Variants in TBC1D5 observed in about 807,000 individuals in gnomAD.
The protein encoded by TBC1D5 is TBC1 domain family, member 5.
A neutral mutation model predicts 100.3 loss-of-function variants in TBC1D5; 75 were observed. The observed-to-expected ratio is 0.75, with a 90% CI of 0.62 to 0.91. The LOEUF (loss-of-function observed/expected upper bound fraction) is 0.91, where lower values mean the gene tolerates loss of function less well. Ranked by LOEUF, TBC1D5 falls within the 40% of genes least tolerant of loss-of-function variation. The pLI is 0.00. For synonymous variants in TBC1D5, 323 were observed against 325.6 expected (o/e 0.99, Z 0.09); for missense variants, 910 against 942.4 (o/e 0.97, Z 0.45).
chr3:17,472,880 C>A (rs561464540), intron 3 of TBC1D5, among the ~76,000 whole-genome samples: 1 of 152,198 alleles, frequency 6.6e-6, no homozygotes, highest in East Asian at 1.9e-4. Flanking sequence ...CTATTACATT[C>A]TAAATATTAA....
In TBC1D5 at chr3:17,419,873, T is replaced by C. The variant is rs573927670; in HGVS notation, c.167+8577A>G. Among the ~76,000 whole-genome samples, 294 of 152,156 alleles carry C rather than the reference T, an allele frequency of 1.9e-3. 1 individual carries two copies. Among genetic ancestry groups the C allele is most frequent in the Non-Finnish European group, 1.1e-3 (72 of 67,984 alleles). ...TTAAAAATATTTATTTATTTATTTG[T>C]CTGTTTGTAGAGATGAGGTCTTGCT... On this transcript the variant is annotated intron_variant, in intron 4 of 21. Transcript: ENST00000253692.
chr3:17,659,030 T>C (rs1179381592), intron 1 of TBC1D5, among the ~76,000 whole-genome samples: 2 of 152,138 alleles, frequency 1.3e-5, no homozygotes, highest in Non-Finnish European at 2.9e-5. Context: ...AGAGCAAGAT[T>C]CAGATTCCCC....
At chr3:17,635,359 A>T (rs1343803216) in intron 1 of TBC1D5, among the ~76,000 whole-genome samples, 2 of 152,222 alleles carry the variant, frequency 1.3e-5, no homozygotes, top group Admixed American at 6.5e-5. Flanking sequence ...TGATGAAATC[A>T]CCAAGGCAAT....
At chr3:17,276,370 CAA>C (rs1389261263) in intron 15 of TBC1D5, among the ~76,000 whole-genome samples, 1 of 152,184 alleles carries the variant, frequency 6.6e-6, no homozygotes, top group East Asian at 1.9e-4. Flanking sequence ...TTGGGAAACA[CAA>C]ACACCTAGAC....
At chr3:17,681,546 G>GA (rs1178483112) in intron 1 of TBC1D5, among the ~76,000 whole-genome samples, 3 of 151,482 alleles carry the variant, frequency 2.0e-5, no homozygotes, top group African/African-American at 7.3e-5. Flanking sequence ...TTTCACCAAG[G>GA]AAAAATAGTT....
chr3:17,464,959 C>T (rs2095278046), intron 3 of TBC1D5, among the ~76,000 whole-genome samples: 1 of 151,886 alleles, frequency 6.6e-6, no homozygotes, highest in Non-Finnish European at 1.5e-5. Flanking sequence ...GATGTTGCCG[C>T]ACTAGATAAA....
chr3:17,701,294 A>C (rs7647914), intron 1 of TBC1D5, among the ~76,000 whole-genome samples: 1 of 151,700 alleles, frequency 6.6e-6, no homozygotes, highest in African/African-American at 2.4e-5. Context: ...CTTGGACATA[A>C]GGCGGGGAAC....
chr3:17,682,103 G>C (rs1190021137), intron 1 of TBC1D5, among the ~76,000 whole-genome samples: 2 of 151,232 alleles, frequency 1.3e-5, no homozygotes, highest in African/African-American at 4.9e-5. Flanking sequence ...GTGCCAAAAA[G>C]GTTGGGAACT....
At chr3:17,589,452 G>A (rs532838826) in intron 2 of TBC1D5, among the ~76,000 whole-genome samples, 10 of 152,256 alleles carry the variant, frequency 6.6e-5, no homozygotes, top group South Asian at 4.1e-4. Flanking sequence ...GGTCTTTCCC[G>A]TGCTGTTCTT....
chr3:17,417,259 T>C (rs1023268708), intron 4 of TBC1D5, among the ~76,000 whole-genome samples: 1 of 152,096 alleles, frequency 6.6e-6, no homozygotes, highest in South Asian at 2.1e-4. Flanking sequence ...GTTACATATA[T>C]ATACATGTGC....
intron 1 of TBC1D5, among the ~76,000 whole-genome samples, chr3:17,655,459 T>TAATTAAATTAAATTAAATTA (rs1553901618): frequency 6.7e-6 from 1 of 148,680 alleles, no homozygotes. Context: ...AGTATAATAA[T>TAATTAAATTAAATTAAATTA]AATTAAATTA....
chr3:17,176,657 A>G (rs1235648401), intron 19 of TBC1D5, among the ~76,000 whole-genome samples: 1 of 152,022 alleles, frequency 6.6e-6, no homozygotes, highest in Non-Finnish European at 1.5e-5. Flanking sequence ...TTGGAGGGTG[A>G]GGGGCTAGGG....
At chr3:17,337,685 T>G (rs1414270459) in intron 13 of TBC1D5, 2 of 152,170 alleles carry the variant, frequency 1.3e-5, no homozygotes, top group Non-Finnish European at 2.9e-5. Flanking sequence ...GAACACAATT[T>G]TATTTTCTTT....
At chr3:17,496,006 G>A (rs2150676538) in intron 3 of TBC1D5, among the ~76,000 whole-genome samples, 1 of 152,254 alleles carries the variant, frequency 6.6e-6, no homozygotes, top group South Asian at 2.1e-4. Flanking sequence ...TAAGTACCAA[G>A]AATGTTTTAG....
At chr3:17,574,989 C>CT (rs1364845001) in intron 2 of TBC1D5, among the ~76,000 whole-genome samples, 1 of 152,024 alleles carries the variant, frequency 6.6e-6, no homozygotes, top group Non-Finnish European at 1.5e-5. Flanking sequence ...ACAAAACACC[C>CT]TAGGTTGTTC....
chr3:17,283,756 T>C (rs2149972406), intron 15 of TBC1D5, among the ~76,000 whole-genome samples: 1 of 152,084 alleles, frequency 6.6e-6, no homozygotes, highest in East Asian at 1.9e-4. Flanking sequence ...AAAATGAGTT[T>C]ACTTTTTATC....
chr3:17,480,703 T>C (rs920853436), intron 3 of TBC1D5, among the ~76,000 whole-genome samples: 1 of 151,982 alleles, frequency 6.6e-6, no homozygotes, highest in East Asian at 1.9e-4. Context: ...TCATTGGGAC[T>C]ACCTGCCTTC....
intron 2 of TBC1D5, among the ~76,000 whole-genome samples, chr3:17,566,107 T>C (rs1373303247): frequency 1.3e-5 from 2 of 152,128 alleles, no homozygotes; most frequent in African/African-American, 4.8e-5. Flanking sequence ...GACACTGTAA[T>C]ATATAGTGAT....
chr3:17,519,593 G>C (rs1340072358), intron 2 of TBC1D5, among the ~76,000 whole-genome samples: 1 of 152,098 alleles, frequency 6.6e-6, no homozygotes, highest in African/African-American at 2.4e-5. Context: ...TGAGGATAGG[G>C]GACCTGTTTT....
Sources: allele counts gnomAD v4.1 joint callset (sites outside exome capture counted in the v4.1 genomes callset), GRCh38; gene constraint gnomAD v4.1.1; transcripts MANE v1.5; gene names NCBI Gene and HGNC (gene_info 2026-07-23, HGNC 2026-07-21).